SAMMSON: variants seen among roughly 807,000 people sequenced by gnomAD.
The protein encoded by SAMMSON is long intergenic non-protein coding RNA 1212.
At chr3:70,183,770 T>C (rs1701071622) in intron 4 of SAMMSON, 1 of 152,096 alleles carries the variant, frequency 6.6e-6, no homozygotes, top group Non-Finnish European at 1.5e-5. Flanking sequence ...TATGAACTAA[T>C]TCAATAAATA....
At chr3:70,154,184 A>G (rs2067582790) in intron 4 of SAMMSON, among the ~76,000 whole-genome samples, 1 of 151,928 alleles carries the variant, frequency 6.6e-6, no homozygotes, top group East Asian at 1.9e-4. Flanking sequence ...TCATAAACAA[A>G]TCACTGTCCC....
chr3:70,365,091 A>G (rs989461187), intron 9 of SAMMSON, among the ~76,000 whole-genome samples: 10 of 151,666 alleles, frequency 6.6e-5, no homozygotes, highest in Non-Finnish European at 1.3e-4. Context: ...CAAAAATACA[A>G]TGTGTCATAT....
chr3:70,212,164 A>T (rs769130266), intron 4 of SAMMSON, among the ~76,000 whole-genome samples: 1 of 152,138 alleles, frequency 6.6e-6, no homozygotes, highest in Non-Finnish European at 1.5e-5. Context: ...CCAAGCATAA[A>T]CTACACTCCT....
chr3:70,368,200 A>G (rs927746506), intron 9 of SAMMSON, among the ~76,000 whole-genome samples: 5 of 151,694 alleles, frequency 3.3e-5, no homozygotes, highest in South Asian at 2.1e-4. Context: ...TTCAAAGAAC[A>G]TAGATTTCAT....
At chr3:70,221,549 T>A (rs1701460213) in intron 4 of SAMMSON, among the ~76,000 whole-genome samples, 1 of 151,948 alleles carries the variant, frequency 6.6e-6, no homozygotes, top group Non-Finnish European at 1.5e-5. Context: ...CCTCAGGAGC[T>A]TTATGGCCTA....
chr3:70,222,043 G>A (rs1701465186), intron 4 of SAMMSON, among the ~76,000 whole-genome samples: 1 of 152,074 alleles, frequency 6.6e-6, no homozygotes, highest in Non-Finnish European at 1.5e-5. Context: ...ATCCCACTTA[G>A]TAAATAACAA....
intron 6 of SAMMSON, among the ~76,000 whole-genome samples, chr3:70,275,168 T>G (rs1275229305): frequency 6.6e-6 from 1 of 152,148 alleles, no homozygotes; most frequent in African/African-American, 2.4e-5. Context: ...TATAAAAAAG[T>G]TAATAAACTA....
downstream of SAMMSON, among the ~76,000 whole-genome samples, chr3:70,392,391 T>C (rs1249806447): frequency 6.6e-6 from 1 of 152,156 alleles, no homozygotes; most frequent in Non-Finnish European, 1.5e-5. Flanking sequence ...AGCCTGGCTT[T>C]ACCTGACTCC....
chr3:70,254,684 T>A (rs1489116894), intron 6 of SAMMSON, among the ~76,000 whole-genome samples: 2 of 152,160 alleles, frequency 1.3e-5, no homozygotes, highest in African/African-American at 4.8e-5. Context: ...TGGTAGATAA[T>A]CTTTTTCTTA....
At chr3:70,371,495 GT>G (rs1559574880) in intron 9 of SAMMSON, among the ~76,000 whole-genome samples, 1 of 151,888 alleles carries the variant, frequency 6.6e-6, no homozygotes, top group Non-Finnish European at 1.5e-5. Context: ...TTTTATCAGT[GT>G]TTTGTAGTTT....
intron 7 of SAMMSON, among the ~76,000 whole-genome samples, chr3:70,313,999 CA>C (rs1379630678): frequency 1.3e-5 from 2 of 152,118 alleles, no homozygotes; most frequent in Non-Finnish European, 2.9e-5. Context: ...CTTCTGTTAT[CA>C]ATACTCCTAG....
intron 7 of SAMMSON, among the ~76,000 whole-genome samples, chr3:70,293,044 G>GAA (rs1702253707): frequency 4.4e-5 from 1 of 22,862 alleles, no homozygotes; most frequent in Admixed American, 5.8e-4. Context: ...GTGGTTTGAA[G>GAA]CAAAAAAAAA....
At chr3:70,265,154 A>T (rs1156390616) in intron 6 of SAMMSON, among the ~76,000 whole-genome samples, 1 of 152,186 alleles carries the variant, frequency 6.6e-6, no homozygotes, top group African/African-American at 2.4e-5. Context: ...CTACAATTCA[A>T]GATTGGGTGG....
chr3:70,110,251 C>T (rs1576124309), intron 4 of SAMMSON, among the ~76,000 whole-genome samples: 1 of 152,198 alleles, frequency 6.6e-6, no homozygotes, highest in East Asian at 1.9e-4. Context: ...GATTTTTCAG[C>T]ACCAGCTATT....
At chr3:70,015,671 C>T (rs1342281095) in intron 3 of SAMMSON, among the ~76,000 whole-genome samples, 1 of 151,818 alleles carries the variant, frequency 6.6e-6, no homozygotes, top group Non-Finnish European at 1.5e-5. Flanking sequence ...CCCATTAACT[C>T]GTCATTTACT....
chr3:70,425,338 T>G (rs1461277123), intron 2 of SAMMSON: 1 of 152,124 alleles, frequency 6.6e-6, no homozygotes, highest in Non-Finnish European at 1.5e-5. Context: ...TGCCTTCAAA[T>G]TTTGCAAATA....
intron 4 of SAMMSON, among the ~76,000 whole-genome samples, chr3:70,073,912 T>C (rs1324202743): frequency 6.6e-6 from 1 of 152,032 alleles, no homozygotes; most frequent in African/African-American, 2.4e-5. Context: ...ATATGTACTT[T>C]TAGGAATTTA....
intron 4 of SAMMSON, among the ~76,000 whole-genome samples, chr3:70,163,390 C>G (rs2067624286): frequency 6.7e-6 from 1 of 149,892 alleles, no homozygotes; most frequent in South Asian, 2.1e-4. Flanking sequence ...TCTTTGGTTG[C>G]TCTGGGTATT....
chr3:70,061,934 GT>G (rs1222201099), intron 3 of SAMMSON, among the ~76,000 whole-genome samples: 1 of 151,998 alleles, frequency 6.6e-6, no homozygotes, highest in Non-Finnish European at 1.5e-5. Context: ...GATTCTATGT[GT>G]AAACAAACCA....
Sources: gnomAD v4.1 joint callset for allele counts (sites outside exome capture counted in the v4.1 genomes callset) on GRCh38, gnomAD v4.1.1 for gene constraint, MANE v1.5 for transcripts, NCBI Gene and HGNC (gene_info 2026-07-23, HGNC 2026-07-21) for gene names.